Variants in GPM6A observed in about 807,000 individuals in gnomAD.
GPM6A encodes glycoprotein M6A, also known as neuronal membrane glycoprotein M6-a.
A neutral mutation model predicts 32.1 loss-of-function variants in GPM6A; 7 were observed. The ratio of observed to expected loss-of-function variants is 0.22; its 90% CI spans 0.12 to 0.41. GPM6A has a LOEUF of 0.41. Among genes scored for constraint, GPM6A ranks in the 10% least tolerant of loss-of-function variants. The pLI is 1.00. For synonymous variants in GPM6A, 130 were observed against 123.4 expected, an observed-to-expected ratio of 1.05 and a Z score of -0.35; for missense variants, 235 against 347.2, an observed-to-expected ratio of 0.68 and a Z score of 2.57.
At chr4:175,741,916 A>G (rs1731904132) in intron 1 of GPM6A, among the ~76,000 whole-genome samples, 1 of 152,102 alleles carries the variant, frequency 6.6e-6, no homozygotes, top group Non-Finnish European at 1.5e-5. Flanking sequence ...CAGATCTTGC[A>G]ATCAAGGGTA....
chr4:175,679,584 TATC>T (rs1743568558), intron 2 of GPM6A, among the ~76,000 whole-genome samples: 1 of 152,164 alleles, frequency 6.6e-6, no homozygotes, highest in South Asian at 2.1e-4. Context: ...CCAATCTTCT[TATC>T]ATGTTTGCAA....
At chr4:175,837,704 C>A (rs765950894) in intron 1 of GPM6A, among the ~76,000 whole-genome samples, 10 of 152,136 alleles carry the variant, frequency 6.6e-5, no homozygotes, top group Non-Finnish European at 1.3e-4. Flanking sequence ...AAGAGGACCT[C>A]ATTTATGGAA....
Position 175,673,734 on chromosome 4 carries a change from T to A in GPM6A, c.333A>T (p.Lys111Asn), listed in dbSNP as rs1560866830. 6.2e-7 allele frequency: 1 copy of A among 1,612,946 alleles called. No individual in the cohort carries two copies. Among genetic ancestry groups the A allele is most frequent in the Non-Finnish European group, 8.5e-7 (1 of 1,179,106 alleles). ...VEGFFTTGAI[K>N]DLYGDFKITT... is the part of the protein sequence containing the mutation. ...TGATTTTGAAATCCCCATAGAGATC[T>A]TTGATGGCCCCAGTTGTGAAGAAAC... The change falls in exon 3 of 7, where the codon AAA becomes AAT. Residue 111 changes from lysine to asparagine, a missense_variant. Coordinates refer to ENST00000393658, the MANE Select transcript of GPM6A (RefSeq NM_201591.3).
intron 1 of GPM6A, among the ~76,000 whole-genome samples, chr4:175,704,460 G>A (rs1016288261): frequency 3.2e-4 from 49 of 152,140 alleles, no homozygotes; most frequent in African/African-American, 1.2e-3. Context: ...TAAAAACAAT[G>A]TGTGTAGTGT....
chr4:175,779,858 T>C (rs557941945), intron 1 of GPM6A, among the ~76,000 whole-genome samples: 2 of 152,176 alleles, frequency 1.3e-5, no homozygotes, highest in African/African-American at 4.8e-5. Context: ...GAATAATAAC[T>C]ATAAGTTCAA....
chr4:175,856,625 G>T (rs763907043), intron 1 of GPM6A, among the ~76,000 whole-genome samples: 6 of 152,200 alleles, frequency 3.9e-5, no homozygotes, highest in Non-Finnish European at 8.8e-5. Flanking sequence ...CATCCAGGAA[G>T]AATCAGGTTA....
chr4:175,907,129 C>T (rs1222582940), intron 1 of GPM6A: 1 of 152,122 alleles, frequency 6.6e-6, no homozygotes, highest in African/African-American at 2.4e-5. Flanking sequence ...TTCTGGCTGC[C>T]TTACTACCTC....
intron 1 of GPM6A, among the ~76,000 whole-genome samples, chr4:175,887,243 T>A (rs1402107592): frequency 1.3e-5 from 2 of 151,928 alleles, no homozygotes; most frequent in Non-Finnish European, 2.9e-5. Context: ...TAATGTCACA[T>A]GATCAAAATG....
At position 175,823,214 on chromosome 4, in the gene GPM6A, T is replaced by C. The variant is rs1188682032; in HGVS notation, c.-22-10965A>G. Among the ~76,000 whole-genome samples, 4 of 152,206 alleles carry C rather than the reference T, an allele frequency of 2.6e-5. No individual in the cohort carries two copies. In the East Asian group the frequency reaches 5.8e-4, roughly 22 times the overall value. On this transcript the variant is annotated intron_variant, in intron 1 of 7. Transcript: ENST00000280187. ...AAACTTATATCACTCAAAAGATAAG[T>C]CATTCAATACTTGATTAACACAGTT...
At chr4:175,672,111 T>C (rs1743113175) in intron 3 of GPM6A, among the ~76,000 whole-genome samples, 2 of 152,234 alleles carry the variant, frequency 1.3e-5, no homozygotes, top group Admixed American at 6.5e-5. Context: ...TATATAGATA[T>C]GCAATTCTTC....
At chr4:175,976,313 C>T (rs1740659200) in intron 1 of GPM6A, among the ~76,000 whole-genome samples, 1 of 138,626 alleles carries the variant, frequency 7.2e-6, no homozygotes, top group Non-Finnish European at 1.5e-5. Context: ...AGGCGCCTGC[C>T]ACCACGCCTG....
In GPM6A at chr4:175,752,539, C is replaced by T. The variant is rs1024862146; in HGVS notation, c.38-50772G>A. Among the ~76,000 whole-genome samples, 17 of 152,068 alleles carry T rather than the reference C, an allele frequency of 1.1e-4. 1 individual carries two copies. Among genetic ancestry groups the T allele is most frequent in the Non-Finnish European group, 2.2e-4 (15 of 68,004 alleles). On this transcript the variant is annotated intron_variant, in intron 1 of 6. Coordinates refer to ENST00000393658, the MANE Select transcript of GPM6A (RefSeq NM_201591.3). ...TCCCTCCTCTATGCTCTAAAAAAGT[C>T]GGCTCCAAGAAGGAAGAATTATGCC... is the stretch of plus-strand genomic sequence containing the variant.
chr4:175,777,661 A>G (rs1733449087), intron 1 of GPM6A, among the ~76,000 whole-genome samples: 1 of 152,106 alleles, frequency 6.6e-6, no homozygotes, highest in South Asian at 2.1e-4. Context: ...AAATATCAAA[A>G]CACACCAAAT....
chr4:175,933,449 T>G (rs1739117915), intron 1 of GPM6A, among the ~76,000 whole-genome samples: 1 of 152,184 alleles, frequency 6.6e-6, no homozygotes, highest in Non-Finnish European at 1.5e-5. Context: ...TCTTAAAAAG[T>G]AAAACATAGA....
chr4:175,675,835 A>G (rs1179357138), intron 2 of GPM6A, among the ~76,000 whole-genome samples: 1 of 151,802 alleles, frequency 6.6e-6, no homozygotes, highest in Non-Finnish European at 1.5e-5. Flanking sequence ...TTTTTTTTGT[A>G]GAGACGGGGT....
intron 1 of GPM6A, among the ~76,000 whole-genome samples, chr4:175,919,671 C>CTCTCTCACATTAACAGAATTCCCA (rs1354170307): frequency 6.6e-6 from 1 of 152,168 alleles, no homozygotes; most frequent in Non-Finnish European, 1.5e-5. Context: ...TTCTCTCCTT[C>CTCTCTCACATTAACAGAATTCCCA]TCTCTCACAT....
chr4:175,719,622 C>T (rs369250900), intron 1 of GPM6A, among the ~76,000 whole-genome samples: 5 of 152,104 alleles, frequency 3.3e-5, no homozygotes, highest in African/African-American at 9.6e-5. Context: ...ATGTCAGAAA[C>T]AAATTGCCAC....
intron 1 of GPM6A, among the ~76,000 whole-genome samples, chr4:175,829,195 G>T (rs766883212): frequency 3.6e-4 from 55 of 152,190 alleles, no homozygotes; most frequent in Non-Finnish European, 6.9e-4. Flanking sequence ...CTTCCAAAGT[G>T]CTGGGAGCCA....
intron 6 of GPM6A, among the ~76,000 whole-genome samples, chr4:175,638,375 A>G (rs1169786708): frequency 1.3e-5 from 2 of 152,068 alleles, no homozygotes; most frequent in East Asian, 1.9e-4. Context: ...TTAAGCTAGT[A>G]TGGGGTTTTG....
Sources: gnomAD v4.1 joint callset for allele counts (sites outside exome capture counted in the v4.1 genomes callset) on GRCh38, gnomAD v4.1.1 for gene constraint, MANE v1.5 for transcripts, NCBI Gene and HGNC (gene_info 2026-07-23, HGNC 2026-07-21) for gene names.